Variants in ECE1 observed in about 807,000 individuals in gnomAD.
ECE1 encodes the protein endothelin-converting enzyme 1.
In ECE1, 35 loss-of-function variants were observed where a neutral mutation model predicts 98.6. The ratio of observed to expected loss-of-function variants is 0.35; its 90% CI spans 0.27 to 0.47. The LOEUF (loss-of-function observed/expected upper bound fraction) is 0.47, where lower values mean the gene tolerates loss of function less well. Among genes scored for constraint, ECE1 ranks in the 20% least tolerant of loss-of-function variants. The pLI is 1.00. For synonymous variants in ECE1, 394 were observed against 407.1 expected (o/e 0.97, Z 0.39); for missense variants, 814 against 1,025.3 (o/e 0.79, Z 2.81).
chr1:21,240,295 T>C (rs968063765), intron 10 of ECE1, among the ~76,000 whole-genome samples: 4 of 152,178 alleles, frequency 2.6e-5, no homozygotes, highest in Non-Finnish European at 4.4e-5. Context: ...GAGACCACCC[T>C]GGCCAACACG....
In ECE1 at chr1:21,233,475, G is replaced by A; in HGVS notation, c.1670+83C>T. ...GATAGCTGATCGGGTGCACAGTGAG[G>A]GTGCAATGAAGGCCAGTTCGTCCCA... On this transcript the variant is annotated intron_variant, in intron 14 of 18. Transcript: ENST00000374893. The surrounding 1 kb of genome is among the most constrained non-coding windows in gnomAD (Gnocchi z 4.0). 8.2e-7 allele frequency: 1 copy of A among 1,215,008 alleles called. No homozygotes were observed. The highest frequency in any genetic ancestry group is 1.2e-6 in the Non-Finnish European group (1 of 827,994). 75.3% of individuals were successfully genotyped at this position (1,215,008 alleles called of 1,614,324 possible).
At chr1:21,237,954 C>T (rs28368010) in intron 11 of ECE1, among the ~76,000 whole-genome samples, 180 bp downstream of exon 11, 234 of 152,310 alleles carry the variant, frequency 1.5e-3, no homozygotes, top group Middle Eastern at 3.4e-3. Flanking sequence ...GAGCTGCCCT[C>T]GTGAGACTCC....
Position 21,258,186 on chromosome 1 carries a change from C to T in ECE1, c.762+507G>A, listed in dbSNP as rs929562631. ...TAGCTCTGAGAGGTTGAGGCACTTG[C>T]CCAAGGTCACACAGTGACTGAATGG... On this transcript the variant is annotated intron_variant, in intron 6 of 18. Coordinates refer to ENST00000374893, the MANE Select transcript of ECE1 (RefSeq NM_001397.3). The surrounding 1 kb of genome is among the most constrained non-coding windows in gnomAD (Gnocchi z 4.2). Among the ~76,000 whole-genome samples, 1 of 152,142 alleles carries T rather than the reference C, an allele frequency of 6.6e-6. No homozygotes were observed. Among genetic ancestry groups the T allele is most frequent in the Non-Finnish European group, 1.5e-5 (1 of 68,044 alleles).
At chr1:21,248,457 A>G (rs2098207219) in intron 8 of ECE1, among the ~76,000 whole-genome samples, 1 of 151,724 alleles carries the variant, frequency 6.6e-6, no homozygotes, top group Non-Finnish European at 1.5e-5. Flanking sequence ...TATAGGCATG[A>G]GCTACCGCAC....
chr1:21,234,124 A>C (rs923568382), intron 13 of ECE1, among the ~76,000 whole-genome samples: 1 of 151,772 alleles, frequency 6.6e-6, no homozygotes, highest in African/African-American at 2.4e-5. Flanking sequence ...AGTAGCTGGG[A>C]TTACAGGCGC....
chr1:21,256,194 G>C, intron 7 of ECE1, 56 bp from the exon 8 acceptor site: 1 of 1,545,290 alleles, frequency 6.5e-7, no homozygotes, highest in African/African-American at 1.4e-5. Flanking sequence ...TCCACTGGAC[G>C]AGAGTTGGTG....
chr1:21,311,083 G>A (rs1021304893), intron 1 of ECE1, among the ~76,000 whole-genome samples: 1 of 152,230 alleles, frequency 6.6e-6, no homozygotes, highest in African/African-American at 2.4e-5. Context: ...AATCAGGCTG[G>A]TAGTGAGGAT....
intron 1 of ECE1, among the ~76,000 whole-genome samples, chr1:21,337,239 G>T (rs1639320659): frequency 7.2e-5 from 11 of 152,156 alleles, no homozygotes; most frequent in Admixed American, 7.2e-4. Context: ...AATGCGGCAC[G>T]ACTCAGCCTA....
chr1:21,237,278 G>A (rs1456025117), intron 11 of ECE1, among the ~76,000 whole-genome samples: 1 of 152,102 alleles, frequency 6.6e-6, no homozygotes, highest in Non-Finnish European at 1.5e-5. Context: ...GAGCAGCTTC[G>A]GAAATACCAT....
chr1:21,315,140 C>T (rs568852376), intron 1 of ECE1, among the ~76,000 whole-genome samples: 86 of 152,342 alleles, frequency 5.6e-4, no homozygotes, highest in Middle Eastern at 3.4e-3. Flanking sequence ...AGAGTCAATA[C>T]CTATTTAACA....
chr1:21,326,814 G>C (rs765512006), intron 1 of ECE1, among the ~76,000 whole-genome samples: 6 of 152,074 alleles, frequency 3.9e-5, no homozygotes, highest in Non-Finnish European at 8.8e-5. Flanking sequence ...GCAGCTCCCC[G>C]CTGCTGGGGA....
At position 21,221,738 on chromosome 1, in the gene ECE1, T is replaced by C; in HGVS notation, c.2136+9A>G. 3.7e-6 allele frequency: 6 copies of C among 1,613,958 alleles called. No homozygotes were observed. Among genetic ancestry groups the C allele is most frequent in the Non-Finnish European group, 4.2e-6 (5 of 1,179,790 alleles). On this transcript the variant is annotated intron_variant, in intron 18 of 18. Transcript: ENST00000374893. ...TACCATGTGTGGCATGTTTTCCTAA[T>C]GGACTCACCTGTGCAAAGCCCAGGA...
intron 17 of ECE1, 55 bp from the exon 18 acceptor site, chr1:21,221,897 G>A: frequency 6.5e-7 from 1 of 1,527,286 alleles, no homozygotes; most frequent in Non-Finnish European, 9.1e-7. Flanking sequence ...GGTGAAGGAG[G>A]GGACTGGTAT....
At chr1:21,298,942 G>A in intron 1 of ECE1, 1 of 454,264 alleles carries the variant, frequency 2.2e-6, no homozygotes, top group East Asian at 7.0e-5. Context: ...CTGACTCCAG[G>A]GCTACCCACA....
intron 1 of ECE1, among the ~76,000 whole-genome samples, chr1:21,303,495 A>G (rs1355774881): frequency 6.6e-6 from 1 of 152,254 alleles, no homozygotes; most frequent in Non-Finnish European, 1.5e-5. Context: ...TTACTAATAG[A>G]GAGCACTTAG....
intron 8 of ECE1, among the ~76,000 whole-genome samples, chr1:21,254,098 A>T (rs1449132324): frequency 6.7e-6 from 1 of 149,818 alleles, no homozygotes; most frequent in Non-Finnish European, 1.5e-5. Context: ...AAAAAGAGGA[A>T]CCACAGTCCC....
At position 21,340,734 on chromosome 1, in the gene ECE1, G is replaced by C. The variant is rs1263220285; in HGVS notation, c.3+4642C>G. The stretch of plus-strand genomic sequence containing the variant: ...CGCCTGTAATCCCAGCTACTCGGGA[G>C]ACTGAGGAGAATCACTTGAACCAGG... On this transcript the variant is annotated intron_variant, in intron 1 of 18. Transcript: ENST00000415912. This position sits in a 1 kb window ranked among gnomAD's most constrained non-coding sequence, Gnocchi z 4.6. 2.0e-5 allele frequency among the ~76,000 whole-genome samples: 3 copies of C among 152,190 alleles called. No individual in the cohort carries two copies. Among genetic ancestry groups the C allele is most frequent in the Admixed American group, 2.0e-4 (3 of 15,286 alleles).
At chr1:21,229,136 G>A (rs891314141) in intron 14 of ECE1, among the ~76,000 whole-genome samples, 3 of 151,936 alleles carry the variant, frequency 2.0e-5, no homozygotes, top group African/African-American at 2.4e-5. Flanking sequence ...CCACTGCGCC[G>A]TCATAATGAT....
intron 2 of ECE1, among the ~76,000 whole-genome samples, chr1:21,286,979 G>T (rs1270916437): frequency 6.6e-6 from 1 of 151,746 alleles, no homozygotes; most frequent in Non-Finnish European, 1.5e-5. Context: ...GTAGAATTTT[G>T]CTCTGGTTAA....
Sources: gnomAD v4.1 joint callset for allele counts (sites outside exome capture counted in the v4.1 genomes callset) on GRCh38, gnomAD v4.1.1 for gene constraint, Gnocchi (gnomAD v3.1) non-coding constraint, MANE v1.5 for transcripts, NCBI Gene and HGNC (gene_info 2026-07-23, HGNC 2026-07-21) for gene names.